The following SLC44A5 variants were observed in gnomAD, a reference collection of about 807,000 sequenced individuals.
SLC44A5 encodes the protein choline transporter-like protein 5.
A neutral mutation model predicts 101.8 loss-of-function variants in SLC44A5; 57 were observed. That is an observed-to-expected ratio of 0.56 (90% CI 0.45 to 0.70). SLC44A5 has a LOEUF of 0.70. Among genes scored for constraint, SLC44A5 ranks in the 30% least tolerant of loss-of-function variants. The pLI is 0.00. For synonymous variants in SLC44A5, 281 were observed against 290.9 expected, an observed-to-expected ratio of 0.97 and a Z score of 0.35; for missense variants, 737 against 853.1, an observed-to-expected ratio of 0.86 and a Z score of 1.70.
intron 3 of SLC44A5, among the ~76,000 whole-genome samples, chr1:75,340,825 C>T (rs1374300692): frequency 6.6e-6 from 1 of 152,146 alleles, no homozygotes; most frequent in African/African-American, 2.4e-5. Flanking sequence ...ATATAAACCT[C>T]GCAAACAAGA....
In SLC44A5 at chr1:75,219,837, G is replaced by A; in HGVS notation, c.1141C>T (p.Leu381Phe). The part of the protein sequence containing the change: ...LVYPALTFIL[L>F]SICICYWVVT... ...ACCCAGTAGCAAATGCAGATTGAGAGCAAAATGAAAGTTAAAGCTGGATAG... is the reference window on the plus strand; with the variant it reads ...ACCCAGTAGCAAATGCAGATTGAGAACAAAATGAAAGTTAAAGCTGGATAG... Residue 381 changes from leucine (L) to phenylalanine (F), a missense_variant, in exon 15 of 24, where the codon CTC becomes TTC. Leu to Phe is a conservative substitution (Grantham distance 22, BLOSUM62 0). Coordinates refer to ENST00000370859, the MANE Select transcript of SLC44A5 (RefSeq NM_001130058.2). 2 of 1,612,938 alleles carry A rather than the reference G, an allele frequency of 1.2e-6. No homozygotes were observed. Among genetic ancestry groups the A allele is most frequent in the Non-Finnish European group, 1.7e-6 (2 of 1,179,268 alleles).
chr1:75,453,071 C>T (rs978610456), intron 2 of SLC44A5, among the ~76,000 whole-genome samples: 9 of 152,088 alleles, frequency 5.9e-5, no homozygotes, highest in Non-Finnish European at 1.3e-4. Flanking sequence ...CTCCATCTAG[C>T]AACCACAGAA....
At chr1:75,659,085 A>G in the SLC44A5 span, among the ~76,000 whole-genome samples, 10 of 152,152 alleles carry the variant, frequency 6.6e-5, no homozygotes, top group East Asian at 1.9e-3. Context: ...GAAGATATAA[A>G]AGATCTGAAC....
chr1:75,236,800 A>G (rs1001370929), intron 11 of SLC44A5, among the ~76,000 whole-genome samples, 187 bp downstream of exon 11: 6 of 152,096 alleles, frequency 3.9e-5, no homozygotes, highest in Non-Finnish European at 8.8e-5. Flanking sequence ...ATATTTCCAA[A>G]TATCTTTTCC....
intron 1 of SLC44A5, among the ~76,000 whole-genome samples, chr1:75,570,684 G>A (rs1673027531): frequency 6.6e-6 from 1 of 152,066 alleles, no homozygotes; most frequent in African/African-American, 2.4e-5. Context: ...GGCTTTCACA[G>A]AAAAAAATTT....
At chr1:75,592,130 C>A (rs1339104441) in intron 1 of SLC44A5, among the ~76,000 whole-genome samples, 2 of 151,940 alleles carry the variant, frequency 1.3e-5, no homozygotes, top group Non-Finnish European at 2.9e-5. Flanking sequence ...TTTGGATAAA[C>A]CTAAAGACTC....
In SLC44A5 at chr1:75,279,732, G is replaced by A. The variant is rs114167426; in HGVS notation, c.176-4690C>T. Among the ~76,000 whole-genome samples, 359 of 150,338 alleles carry A rather than the reference G, an allele frequency of 2.4e-3. 1 individual carries two copies. The highest frequency in any genetic ancestry group is 8.3e-3 in the African/African-American group (340 of 40,766). On this transcript the variant is annotated intron_variant, in intron 5 of 23. Transcript: ENST00000370859. Reference sequence around the variant, plus strand: ...TTCCTTTTTTTACAACTTATAAAGTGTATGTTTGTATGTATGTATACATGT... The same window carrying A: ...TTCCTTTTTTTACAACTTATAAAGTATATGTTTGTATGTATGTATACATGT...
intron 3 of SLC44A5, among the ~76,000 whole-genome samples, chr1:75,365,758 G>A (rs946980927): frequency 1.8e-4 from 27 of 152,204 alleles, no homozygotes; most frequent in African/African-American, 5.5e-4. Context: ...ATATTTTCTA[G>A]CAGTATACTT....
At chr1:75,596,838 G>C (rs932108951) in intron 1 of SLC44A5, among the ~76,000 whole-genome samples, 5 of 152,072 alleles carry the variant, frequency 3.3e-5, no homozygotes, top group African/African-American at 1.2e-4. Context: ...CCCACAGTCA[G>C]CATTATACTG....
At chr1:75,455,767 T>C (rs1176741421) in intron 2 of SLC44A5, among the ~76,000 whole-genome samples, 1 of 152,070 alleles carries the variant, frequency 6.6e-6, no homozygotes, top group East Asian at 1.9e-4. Flanking sequence ...ATTGTCAACA[T>C]CACTAAGCAT....
chr1:75,604,743 G>T (rs1337732665), intron 1 of SLC44A5, among the ~76,000 whole-genome samples: 1 of 116,888 alleles, frequency 8.6e-6, no homozygotes, highest in Non-Finnish European at 1.8e-5. Flanking sequence ...CTTGGTTAGA[G>T]GTGAAACCAA....
chr1:75,481,785 G>A (rs577874719), intron 2 of SLC44A5, among the ~76,000 whole-genome samples: 21 of 152,190 alleles, frequency 1.4e-4, no homozygotes, highest in Non-Finnish European at 2.5e-4. Flanking sequence ...GGAGAAATAG[G>A]AACACTTTTA....
At chr1:75,644,147 T>G in the SLC44A5 span, among the ~76,000 whole-genome samples, 1 of 152,212 alleles carries the variant, frequency 6.6e-6, no homozygotes, top group Non-Finnish European at 1.5e-5. Flanking sequence ...TGGACATGTT[T>G]TATCCATTTG....
chr1:75,665,080 C>A, the SLC44A5 span, among the ~76,000 whole-genome samples: 2 of 152,046 alleles, frequency 1.3e-5, no homozygotes, highest in African/African-American at 4.8e-5. Flanking sequence ...CTACCAACAT[C>A]ATTTTTCACA....
chr1:75,291,064 G>T lies in SLC44A5; in HGVS notation c.175+9548C>A, dbSNP rs75323814. On this transcript the variant is annotated intron_variant, in intron 5 of 23. Transcript: ENST00000370859. ...AACAGAAAAACAACCAAATTACCAA[G>T]AAATGAAAGTAGGCTTTTTATAACA... 1.2e-4 allele frequency among the ~76,000 whole-genome samples: 19 copies of T among 152,212 alleles called. No homozygotes were observed. In the East Asian group the frequency reaches 3.5e-3, roughly 28 times the overall value.
At chr1:75,237,413 A>G (rs1342243472) in intron 10 of SLC44A5, among the ~76,000 whole-genome samples, 2 of 152,134 alleles carry the variant, frequency 1.3e-5, no homozygotes, top group Non-Finnish European at 2.9e-5. Flanking sequence ...CCCATAGTCA[A>G]GAATGAACAT....
intron 4 of SLC44A5, among the ~76,000 whole-genome samples, chr1:75,321,450 CAGAGAGAGAGAG>C (rs58617518): frequency 4.1e-5 from 6 of 146,280 alleles, no homozygotes; most frequent in South Asian, 2.2e-4. Context: ...TGTTATATGG[CAGAGAGAGAGAG>C]AGAGAGAGAG....
chr1:75,252,477 G>C (rs1649659990), intron 6 of SLC44A5, among the ~76,000 whole-genome samples: 1 of 152,142 alleles, frequency 6.6e-6, no homozygotes, highest in Non-Finnish European at 1.5e-5. Flanking sequence ...GAGGGAGGTG[G>C]ATCAGAGACA....
At chr1:75,222,503 T>C (rs1481824324) in intron 13 of SLC44A5, 43 bp from the exon 14 acceptor site, 2 of 1,245,094 alleles carry the variant, frequency 1.6e-6, no homozygotes, top group South Asian at 1.2e-5. Flanking sequence ...TACAAGTAGA[T>C]ACGGAAACAA....
Sources: allele counts gnomAD v4.1 joint callset (sites outside exome capture counted in the v4.1 genomes callset), GRCh38; gene constraint gnomAD v4.1.1; transcripts MANE v1.5; gene names NCBI Gene and HGNC (gene_info 2026-07-23, HGNC 2026-07-21).